The following NOL9 variants were observed in gnomAD, a reference collection of about 807,000 sequenced individuals.
NOL9 encodes nucleolar protein 9.
Under a neutral mutation model 67.9 loss-of-function variants are expected in NOL9, and 28 were observed. That is an observed-to-expected ratio of 0.41 (90% CI 0.31 to 0.57). NOL9 has a LOEUF of 0.57. NOL9 is among the 20% of genes least tolerant of loss of function. The pLI, the probability that NOL9 is intolerant of heterozygous loss-of-function variation, is 0.25. For missense variants in NOL9, 777 were observed against 897.0 expected, an observed-to-expected ratio of 0.87 and a Z score of 1.71; for synonymous variants, 356 against 352.2, an observed-to-expected ratio of 1.01 and a Z score of -0.12.
At chr1:6,553,469 A>G (rs1639589155) in intron 1 of NOL9, among the ~76,000 whole-genome samples, 1 of 152,160 alleles carries the variant, frequency 6.6e-6, no homozygotes, top group Non-Finnish European at 1.5e-5. Flanking sequence ...TCAAAGCCTA[A>G]AACACTTTTG....
intron 10 of NOL9, 118 bp downstream of exon 10, chr1:6,528,876 G>A: frequency 4.2e-6 from 4 of 956,638 alleles, no homozygotes; most frequent in South Asian, 3.2e-5. Flanking sequence ...ATAGATGAGT[G>A]GGGGTTCTCT....
At chr1:6,548,066 G>C (rs1175249899) in intron 3 of NOL9, 1 of 245,414 alleles carries the variant, frequency 4.1e-6, no homozygotes, top group Non-Finnish European at 8.5e-6. Context: ...AAGAAGGTTG[G>C]GAAAACACCA....
chr1:6,543,740 C>A (rs1029724127), intron 5 of NOL9, among the ~76,000 whole-genome samples: 1 of 152,128 alleles, frequency 6.6e-6, no homozygotes, highest in Non-Finnish European at 1.5e-5. Flanking sequence ...CTTTGTGAGG[C>A]CAAGGTAGGA....
At chr1:6,533,184 C>CA (rs1639073025) in intron 7 of NOL9, 96 bp downstream of exon 7, 1 of 1,357,526 alleles carries the variant, frequency 7.4e-7, no homozygotes, top group Non-Finnish European at 9.9e-7. Context: ...CAATTAAAAA[C>CA]AAAAAACAAA....
At chr1:6,552,042 A>G (rs1015917354) in intron 1 of NOL9, among the ~76,000 whole-genome samples, 2 of 152,198 alleles carry the variant, frequency 1.3e-5, no homozygotes, top group Non-Finnish European at 2.9e-5. Flanking sequence ...CTCAAAAAAA[A>G]AGAAAGAAAA....
In NOL9 at chr1:6,535,725, G is replaced by A. The variant is rs373183023; in HGVS notation, c.1076-2284C>T. The stretch of plus-strand genomic sequence containing the variant: ...GTGGATCACCTGAGGTCGGGAGTTC[G>A]AGACCAGCCTGGCCAACATGGTGAA... On this transcript the variant is annotated intron_variant, in intron 6 of 11. Transcript: ENST00000377705. Among the ~76,000 whole-genome samples, 32 of 152,180 alleles carry A rather than the reference G, an allele frequency of 2.1e-4. No homozygotes were observed. The East Asian group carries it at 5.8e-3, about 28-fold the overall frequency.
chr1:6,538,951 G>A (rs929838548), intron 6 of NOL9, among the ~76,000 whole-genome samples: 2 of 152,216 alleles, frequency 1.3e-5, no homozygotes, highest in African/African-American at 4.8e-5. Context: ...CAGCCTGGGC[G>A]AAAGAGCAAG....
At chr1:6,528,675 C>T (rs1638946968) in intron 10 of NOL9, among the ~76,000 whole-genome samples, 1 of 152,182 alleles carries the variant, frequency 6.6e-6, no homozygotes, top group East Asian at 1.9e-4. Context: ...TGTTGGAGGA[C>T]ACTGCAAAAA....
intron 1 of NOL9, among the ~76,000 whole-genome samples, chr1:6,552,060 A>G (rs1239263041): frequency 6.6e-6 from 1 of 152,142 alleles, no homozygotes; most frequent in African/African-American, 2.4e-5. Context: ...AAATCAAAAT[A>G]TGGTATGTTC....
chr1:6,523,898 T>C lies in NOL9; in HGVS notation c.*1956A>G, dbSNP rs1283116183. ...TTTAAAGCCTGAAGGCAAACCTAGA[T>C]TGAATGCAAATGCAATTACAGGGCA... On this transcript the variant is annotated 3_prime_UTR_variant, in exon 12 of 12. Coordinates refer to ENST00000377705, the MANE Select transcript of NOL9 (RefSeq NM_024654.5). 9.8e-5 allele frequency: 15 copies of C among 152,348 alleles called. No homozygotes were observed. Among genetic ancestry groups the C allele is most frequent in the East Asian group, 3.9e-4 (2 of 5,184 alleles). 9.4% of individuals were successfully genotyped at this position (152,348 alleles called of 1,614,324 possible). A position where few individuals can be genotyped will look rare whatever the true frequency, so the allele number is the denominator to read the frequency against.
At chr1:6,536,443 G>C (rs777821528) in intron 6 of NOL9, among the ~76,000 whole-genome samples, 3 of 152,206 alleles carry the variant, frequency 2.0e-5, no homozygotes, top group Admixed American at 6.5e-5. Context: ...GAGGTAGGAG[G>C]ATCCCTTCAG....
At chr1:6,548,138 C>CTTTTTTT (rs201835857) in intron 3 of NOL9, 6 of 101,844 alleles carry the variant, frequency 5.9e-5, no homozygotes, top group East Asian at 3.0e-4. Context: ...ACTTAAAGTT[C>CTTTTTTT]TTTTTTTTTT....
At chr1:6,545,284 G>A (rs1480621749) in intron 3 of NOL9, 104 bp from the exon 4 acceptor site, 3 of 1,203,020 alleles carry the variant, frequency 2.5e-6, no homozygotes, top group African/African-American at 1.5e-5. Flanking sequence ...AAGATAAATT[G>A]TTTCCTCCCT....
At position 6,541,499 on chromosome 1, in the gene NOL9, T is replaced by A. The variant is rs938315774; in HGVS notation, c.1075+331A>T. Among the ~76,000 whole-genome samples, 9 of 152,184 alleles carry A rather than the reference T, an allele frequency of 5.9e-5. 1 individual carries two copies. Among genetic ancestry groups the A allele is most frequent in the Admixed American group, 3.9e-4 (6 of 15,264 alleles). On this transcript the variant is annotated intron_variant, in intron 6 of 11. Transcript: ENST00000377705. ...AGGCAGCCTGATTAACAGTATTGAT[T>A]CAGTATTAATTTCTTAGTCTCGATA...
chr1:6,529,808 C>T (rs908140216), intron 9 of NOL9, among the ~76,000 whole-genome samples: 2 of 151,832 alleles, frequency 1.3e-5, no homozygotes, highest in African/African-American at 4.8e-5. Context: ...TGCCTGTAGT[C>T]CCAGCTACTT....
intron 9 of NOL9, among the ~76,000 whole-genome samples, chr1:6,531,595 G>A (rs1186923528): frequency 6.6e-6 from 1 of 152,080 alleles, no homozygotes; most frequent in East Asian, 1.9e-4. Context: ...ACTCTCTGAG[G>A]CCCAGTAGCA....
In NOL9 at chr1:6,544,915, T is replaced by C. The variant is rs199945117; in HGVS notation, c.888A>G (p.Val296=). Reference sequence around the variant, plus strand: ...AAACTAGAATGACAGGGCAGCCATCTACTTCTTCTGAATGGGAAACAAACA... The same window carrying C: ...AAACTAGAATGACAGGGCAGCCATCCACTTCTTCTGAATGGGAAACAAACA... The part of the protein sequence containing the change: ...EELVNVSCEE[V]DGCPVILVCG... The change falls in exon 5 of 12, where the codon GTA becomes GTG. Residue 296 remains valine, a synonymous_variant. Coordinates refer to ENST00000377705, the MANE Select transcript of NOL9 (RefSeq NM_024654.5). 5 of 1,614,234 alleles carry C rather than the reference T, an allele frequency of 3.1e-6. No homozygotes were observed. Among genetic ancestry groups the C allele is most frequent in the Non-Finnish European group, 4.2e-6 (5 of 1,180,042 alleles).
chr1:6,531,095 T>C (rs533237996), intron 9 of NOL9, among the ~76,000 whole-genome samples: 5 of 152,358 alleles, frequency 3.3e-5, no homozygotes, highest in African/African-American at 9.6e-5. Context: ...TGTTTTTTCA[T>C]CATCCCGAAT....
chr1:6,532,842 A>G (rs974337483), intron 7 of NOL9, 82 bp from the exon 8 acceptor site: 4 of 1,259,428 alleles, frequency 3.2e-6, no homozygotes, highest in Non-Finnish European at 3.3e-6. Context: ...CCTACGACAA[A>G]TGGATGCATT....
Sources: allele counts gnomAD v4.1 joint callset (sites outside exome capture counted in the v4.1 genomes callset), GRCh38; gene constraint gnomAD v4.1.1; transcripts MANE v1.5; gene names NCBI Gene and HGNC (gene_info 2026-07-23, HGNC 2026-07-21).